The following TSPAN13 variants were observed in gnomAD, a reference collection of about 807,000 sequenced individuals.
TSPAN13 encodes tetraspanin 13.
TSPAN13 carries 18 observed loss-of-function variants against 26.9 expected under a neutral mutation model. That is an observed-to-expected ratio of 0.67 (90% CI 0.46 to 0.99). TSPAN13 has a LOEUF of 0.99. Among genes scored for constraint, TSPAN13 ranks in the 50% least tolerant of loss-of-function variants. The pLI, the probability that TSPAN13 is intolerant of heterozygous loss-of-function variation, is 0.00. For synonymous variants in TSPAN13, 116 were observed against 98.4 expected (o/e 1.18, Z -1.06); for missense variants, 201 against 249.6 (o/e 0.81, Z 1.31).
chr7:16,778,993 A>G lies in TSPAN13; in HGVS notation c.427-10A>G. ...TTGAAATAAAGGTTTTTTTACTTTA[A>G]TTGGTGCAGAGCTGTGTTAAAAGTG... On this transcript the variant is annotated splice_polypyrimidine_tract_variant and intron_variant, in intron 4 of 5. Transcript: ENST00000262067. 6.4e-7 allele frequency: 1 copy of G among 1,567,458 alleles called. No homozygotes were observed. Among genetic ancestry groups the G allele is most frequent in the South Asian group, 1.2e-5 (1 of 84,662 alleles).
Position 16,753,851 on chromosome 7 carries a change from A to T in TSPAN13, c.-117A>T. On this transcript the variant is annotated 5_prime_UTR_variant, in exon 1 of 6. Coordinates refer to ENST00000262067, the MANE Select transcript of TSPAN13 (RefSeq NM_014399.4). ...AGCCCCAGGCCCCGGCCCCCCACCC[A>T]CGTCTGCGTTGCTGCCCCGCCTGGG... 9.1e-7 allele frequency: 1 copy of T among 1,104,118 alleles called. No homozygotes were observed. The highest frequency in any genetic ancestry group is 1.3e-6 in the Non-Finnish European group (1 of 747,028). 68.4% of individuals were successfully genotyped at this position (1,104,118 alleles called of 1,614,324 possible). A position where few individuals can be genotyped will look rare whatever the true frequency, so the allele number is the denominator to read the frequency against.
intron 1 of TSPAN13, among the ~76,000 whole-genome samples, chr7:16,771,543 G>A (rs1245154523): frequency 6.6e-6 from 1 of 152,076 alleles, no homozygotes; most frequent in East Asian, 1.9e-4. Context: ...GTCAAAAAAT[G>A]ATGTGCATAT....
At chr7:16,774,166 G>C (rs76165183) in intron 1 of TSPAN13, among the ~76,000 whole-genome samples, 37 of 152,276 alleles carry the variant, frequency 2.4e-4, no homozygotes, top group Middle Eastern at 3.4e-3. Context: ...CAGCCTGCTG[G>C]CCAGCTCTAC....
intron 1 of TSPAN13, among the ~76,000 whole-genome samples, chr7:16,769,181 T>A (rs1389805655): frequency 6.6e-6 from 1 of 152,194 alleles, no homozygotes; most frequent in Non-Finnish European, 1.5e-5. Context: ...AGTTTTTAAA[T>A]TTTTAAAATC....
rs552218775 is a variant in TSPAN13 at position 16,757,651 on chromosome 7, T to C, written c.63+3621T>C. ...AGAAGTTGCAGTTTTGTTTCTCCTGTGTGTGTTCATTCTTATAACATCTTT... is the reference window on the plus strand; with the variant it reads ...AGAAGTTGCAGTTTTGTTTCTCCTGCGTGTGTTCATTCTTATAACATCTTT... On this transcript the variant is annotated intron_variant, in intron 1 of 5. Coordinates refer to ENST00000262067, the MANE Select transcript of TSPAN13 (RefSeq NM_014399.4). Among the ~76,000 whole-genome samples, 13 of 152,310 alleles carry C rather than the reference T, an allele frequency of 8.5e-5. 1 individual carries two copies. The South Asian group carries it at 2.7e-3, about 32-fold the overall frequency.
intron 1 of TSPAN13, chr7:16,776,010 C>T (rs758020336): frequency 5.4e-5 from 24 of 443,860 alleles, no homozygotes; most frequent in Non-Finnish European, 1.2e-5. Flanking sequence ...GAATAAAGCA[C>T]GCCTGGGGAT....
At chr7:16,754,167 C>T in intron 1 of TSPAN13, 137 bp downstream of exon 1, 3 of 894,498 alleles carry the variant, frequency 3.4e-6, no homozygotes, top group Non-Finnish European at 5.3e-6. Flanking sequence ...TGCGCGCCCC[C>T]GGCCTCACCA....
At chr7:16,781,154 A>G (rs1784809642) in intron 5 of TSPAN13, among the ~76,000 whole-genome samples, 1 of 152,204 alleles carries the variant, frequency 6.6e-6, no homozygotes, top group South Asian at 2.1e-4. Context: ...TGATTAATAT[A>G]TGTTCTTTGT....
At chr7:16,755,350 T>A (rs771059593) in intron 1 of TSPAN13, among the ~76,000 whole-genome samples, 15 of 152,168 alleles carry the variant, frequency 9.9e-5, no homozygotes, top group Non-Finnish European at 1.8e-4. Context: ...AGTACGCTTT[T>A]ATGGCTAGTT....
At chr7:16,774,002 G>A (rs565713588) in intron 1 of TSPAN13, among the ~76,000 whole-genome samples, 13 of 152,296 alleles carry the variant, frequency 8.5e-5, no homozygotes, top group African/African-American at 2.2e-4. Context: ...AGATGTTGCC[G>A]CAAAAATATT....
intron 1 of TSPAN13, among the ~76,000 whole-genome samples, chr7:16,761,979 G>A (rs1784546616): frequency 2.6e-5 from 4 of 151,776 alleles, no homozygotes; most frequent in Admixed American, 2.0e-4. Context: ...AAACATTTTT[G>A]AATAATTTAC....
intron 1 of TSPAN13, among the ~76,000 whole-genome samples, chr7:16,771,308 C>A (rs922815501): frequency 1.3e-5 from 2 of 152,152 alleles, no homozygotes; most frequent in African/African-American, 4.8e-5. Context: ...GCTCAGTTGC[C>A]CATGTTCCAA....
chr7:16,764,938 T>TG (rs201546706), intron 1 of TSPAN13, among the ~76,000 whole-genome samples: 161 of 151,792 alleles, frequency 1.1e-3, no homozygotes, highest in African/African-American at 3.8e-3. Flanking sequence ...GTTTTTGTTT[T>TG]TTTTTTGAGA....
At position 16,768,033 on chromosome 7, in the gene TSPAN13, C is replaced by T. The variant is rs187028140; in HGVS notation, c.64-8178C>T. 1.4e-3 allele frequency among the ~76,000 whole-genome samples: 220 copies of T among 152,314 alleles called. 1 individual carries two copies. The highest frequency in any genetic ancestry group is 4.7e-3 in the African/African-American group (196 of 41,572). On this transcript the variant is annotated intron_variant, in intron 1 of 5. Transcript: ENST00000262067. ...GTTCAAGCGATTCTCCTGCCTCAGC[C>T]TCCCGAGTAGCTGGGATTACAGGCG...
At chr7:16,759,067 T>C (rs1784513728) in intron 1 of TSPAN13, among the ~76,000 whole-genome samples, 1 of 152,066 alleles carries the variant, frequency 6.6e-6, no homozygotes, top group Non-Finnish European at 1.5e-5. Context: ...TAAACAAGTT[T>C]TATGGAGAAA....
intron 1 of TSPAN13, among the ~76,000 whole-genome samples, chr7:16,761,987 TACA>T (rs1784546685): frequency 6.6e-6 from 1 of 152,216 alleles, no homozygotes; most frequent in Admixed American, 6.5e-5. Flanking sequence ...TTGAATAATT[TACA>T]ACATCTAATC....
intron 1 of TSPAN13, among the ~76,000 whole-genome samples, chr7:16,757,660 A>G (rs1034757046): frequency 1.2e-4 from 19 of 152,278 alleles, no homozygotes; most frequent in African/African-American, 3.4e-4. Flanking sequence ...GTGTGTGTTC[A>G]TTCTTATAAC....
At chr7:16,764,929 TTTTTG>T (rs1350742821) in intron 1 of TSPAN13, among the ~76,000 whole-genome samples, 2 of 116,964 alleles carry the variant, frequency 1.7e-5, no homozygotes, top group African/African-American at 8.2e-5. Context: ...TTTGTTTTTG[TTTTTG>T]TTTTTTTTTT....
Position 16,776,230 on chromosome 7 carries a change from T to C in TSPAN13, c.83T>C (p.Ile28Thr), listed in dbSNP as rs1784742722. The C allele has an allele frequency of 2.5e-6, 4 of 1,613,942 alleles. No individual in the cohort carries two copies. The highest frequency in any genetic ancestry group is 1.3e-5 in the African/African-American group (1 of 74,890). The part of the protein sequence containing the change: ...LLYTLVSLLL[I>T]GIAAWGIGFG... ...TTGCAGTTGGTTAGTCTGCTGCTAATTGGAATTGCTGCGTGGGGCATTGGC... is the reference window on the plus strand; with the variant it reads ...TTGCAGTTGGTTAGTCTGCTGCTAACTGGAATTGCTGCGTGGGGCATTGGC... Residue 28 changes from isoleucine (I) to threonine (T), a missense_variant, in exon 2 of 6, where the codon ATT becomes ACT. Transcript: ENST00000262067.
Sources: gnomAD v4.1 joint callset for allele counts (sites outside exome capture counted in the v4.1 genomes callset) on GRCh38, gnomAD v4.1.1 for gene constraint, MANE v1.5 for transcripts, NCBI Gene and HGNC (gene_info 2026-07-23, HGNC 2026-07-21) for gene names.